Variants in LRRC15 observed in about 807,000 individuals in gnomAD.
The protein encoded by LRRC15 is leucine rich repeat containing 15.
Under a neutral mutation model 4.3 loss-of-function variants are expected in LRRC15, and 5 were observed. The observed-to-expected ratio is 1.16, with a 90% CI of 0.61 to 2.44. The LOEUF (loss-of-function observed/expected upper bound fraction) is 2.44. Among genes scored for constraint, LRRC15 ranks in the 30% most tolerant of loss-of-function variants. The pLI is 0.01. For missense variants in LRRC15, 769 were observed against 747.0 expected (o/e 1.03, Z -0.34); for synonymous variants, 337 against 323.2 (o/e 1.04, Z -0.46).
chr3:194,362,698 G>A (rs1238327780), intron 1 of LRRC15, among the ~76,000 whole-genome samples: 1 of 152,142 alleles, frequency 6.6e-6, no homozygotes, highest in Non-Finnish European at 1.5e-5. Flanking sequence ...AAAATCCTGA[G>A]TCAGAGGAAG....
rs1050780299 is a variant in LRRC15, at chr3:194,355,995, C to T, written c.*3303G>A. 2.6e-5 allele frequency: 4 copies of T among 152,136 alleles called. No homozygotes were observed. Among genetic ancestry groups the T allele is most frequent in the African/African-American group, 9.7e-5 (4 of 41,420 alleles). The allele number at this position is 152,136 out of a possible 1,614,324, so 9.4% of individuals were successfully genotyped here. On this transcript the variant is annotated 3_prime_UTR_variant, in exon 2 of 2. Coordinates refer to ENST00000347624, the MANE Select transcript of LRRC15 (RefSeq NM_130830.5). ...TGGTACCAAGTGAGGTTCTGATGAC[C>T]AAGACTAAGGAGAGCAACAGGGGAA...
At chr3:194,364,839 G>T (rs1713731387) in intron 1 of LRRC15, among the ~76,000 whole-genome samples, 1 of 152,232 alleles carries the variant, frequency 6.6e-6, no homozygotes, top group Non-Finnish European at 1.5e-5. Flanking sequence ...CACTGCTGTG[G>T]CTGGCGGCCA....
chr3:194,360,212 CAAAG>C lies in LRRC15; in HGVS notation c.828_831del (p.Phe277GlyfsTer4). On this transcript the variant is annotated frameshift_variant, in exon 2 of 2. Transcript: ENST00000347624. LOFTEE classifies it low-confidence loss of function (END_TRUNC). ...GGAGAGAGCTCCTTCAGGGAATTCC[CAAAG>C]AGAGTAAGACGGTTGAGCTGGGGCA... 6.2e-7 allele frequency: 1 copy of C among 1,613,824 alleles called. No individual in the cohort carries two copies. The highest frequency in any genetic ancestry group is 8.5e-7 in the Non-Finnish European group (1 of 1,179,762).
At position 194,360,877 on chromosome 3, in the gene LRRC15, A is replaced by G. The variant is rs1200394327; in HGVS notation, c.167T>C (p.Met56Thr). The change falls in exon 2 of 2, where the codon ATG (methionine) becomes ACG (threonine). Residue 56 changes from methionine (M) to threonine (T), a missense_variant. Physicochemically the swap from Met to Thr is moderately conservative, Grantham distance 81. Transcript: ENST00000347624. ...GTGCGTGTTGAGGATCTGCAGGCTC[A>G]TGGCGTTCCAGGGCAGAGGGGTGGG... The part of the protein sequence containing the change: ...AVPTPLPWNA[M>T]SLQILNTHIT... 6.2e-7 allele frequency: 1 copy of G among 1,608,586 alleles called. No homozygotes were observed.
chr3:194,359,191 A>G lies in LRRC15; in HGVS notation c.*107T>C. 9.3e-7 allele frequency: 1 copy of G among 1,076,800 alleles called. No individual in the cohort carries two copies. The highest frequency in any genetic ancestry group is 2.5e-5 in the Admixed American group (1 of 39,838). 66.7% of individuals were successfully genotyped at this position (1,076,800 alleles called of 1,614,324 possible). A position where few individuals can be genotyped will look rare whatever the true frequency, so the allele number is the denominator to read the frequency against. On this transcript the variant is annotated 3_prime_UTR_variant, in exon 2 of 2. Coordinates refer to ENST00000347624, the MANE Select transcript of LRRC15 (RefSeq NM_130830.5). ...AGGCTCACCTTTCTCTGGGGCCAGA[A>G]AGAGCAATCACGGGAAAGCTCCATG...
intron 1 of LRRC15, among the ~76,000 whole-genome samples, chr3:194,367,339 G>T (rs1713810663): frequency 6.6e-6 from 1 of 151,930 alleles, no homozygotes; most frequent in Non-Finnish European, 1.5e-5. Flanking sequence ...ACGGAGTCTT[G>T]CTCTGTCACC....
At chr3:194,369,069 C>T (rs960280919) in intron 1 of LRRC15, among the ~76,000 whole-genome samples, 4 of 152,240 alleles carry the variant, frequency 2.6e-5, no homozygotes, top group Non-Finnish European at 5.9e-5. Flanking sequence ...CAAATTGGAA[C>T]TGCAAACCAG....
At chr3:194,361,175 G>A in intron 1 of LRRC15, 129 bp from the exon 2 acceptor site, 2 of 717,346 alleles carry the variant, frequency 2.8e-6, no homozygotes, top group South Asian at 2.3e-5. Flanking sequence ...CTGAACACAT[G>A]CTCTCTCTGC....
Position 194,356,423 on chromosome 3 carries a change from C to T in LRRC15, c.*2875G>A, listed in dbSNP as rs1412644463. 6.6e-6 allele frequency: 1 copy of T among 152,266 alleles called. No homozygotes were observed. The highest frequency in any genetic ancestry group is 1.9e-4 in the East Asian group (1 of 5,198). The allele number at this position is 152,266 out of a possible 1,614,324, so 9.4% of individuals were successfully genotyped here. A position where few individuals can be genotyped will look rare whatever the true frequency, so the allele number is the denominator to read the frequency against. ...GGGGACCAGCCGGCTCATTCCAGCC[C>T]TGAGAATTGAGCAAATGCATCATCC... On this transcript the variant is annotated 3_prime_UTR_variant, in exon 2 of 2. Coordinates refer to ENST00000347624, the MANE Select transcript of LRRC15 (RefSeq NM_130830.5).
rs763590928 is a variant in LRRC15, at chr3:194,360,800, G to T, written c.244C>A (p.Leu82Met). The change falls in exon 2 of 2, where the codon CTG becomes ATG. Residue 82 changes from leucine to methionine, a missense_variant. Physicochemically the swap from Leu to Met is conservative, Grantham distance 15. Coordinates refer to ENST00000347624, the MANE Select transcript of LRRC15 (RefSeq NM_130830.5). ...GACAGCTCATTCTTCTCAATCCTCA[G>T]GGCGATGAGGGCTGAGATATTGAGG... is the stretch of plus-strand genomic sequence containing the variant. Reference protein sequence around the residue: ...PFLNISALIALRIEKNELSRI... With the variant: ...PFLNISALIAMRIEKNELSRI... 1 of 1,614,218 alleles carries T rather than the reference G, an allele frequency of 6.2e-7. No homozygotes were observed. The highest frequency in any genetic ancestry group is 8.5e-7 in the Non-Finnish European group (1 of 1,180,044).
intron 1 of LRRC15, among the ~76,000 whole-genome samples, chr3:194,361,528 A>G (rs1335759071): frequency 1.3e-5 from 2 of 152,168 alleles, no homozygotes; most frequent in Non-Finnish European, 2.9e-5. Context: ...ACTGTATCTT[A>G]TCCATCTCTG....
rs375241048 is a variant in LRRC15, at chr3:194,360,650, G to A, written c.394C>T (p.Leu132=). The part of the protein sequence containing the change: ...QGLDSLESLL[L]SSNQLLQIQP... Reference sequence around the variant, plus strand: ...ATCTGCAACAGCTGGTTACTGGACAGAAGGAGAGACTCGAGGCTGTCCAGG... The same window carrying A: ...ATCTGCAACAGCTGGTTACTGGACAAAAGGAGAGACTCGAGGCTGTCCAGG... The change falls in exon 2 of 2, where the codon CTG becomes TTG. Residue 132 remains leucine, a synonymous_variant. Transcript: ENST00000347624. The A allele has an allele frequency of 9.3e-6, 15 of 1,614,244 alleles. No homozygotes were observed. The highest frequency in any genetic ancestry group is 4.2e-6 in the Non-Finnish European group (5 of 1,180,050).
In LRRC15 at chr3:194,359,745, C is replaced by T. The variant is rs144761152; in HGVS notation, c.1299G>A (p.Pro433=). The T allele has an allele frequency of 1.2e-3, 1,930 of 1,614,112 alleles. 2 individuals carry two copies. Among genetic ancestry groups the T allele is most frequent in the Non-Finnish European group, 1.3e-3 (1,587 of 1,180,016 alleles). ...NPWRCDSDIL[P]LRNWLLLNQP... ...GGTTGAGCAGGAGCCAGTTGCGGAG[C>T]GGAAGGATGTCTGAGTCACACCTCC... The change falls in exon 2 of 2, where the codon CCG becomes CCA. Residue 433 remains proline, a synonymous_variant. Transcript: ENST00000347624.
Position 194,357,521 on chromosome 3 carries a change from T to C in LRRC15, c.*1777A>G, listed in dbSNP as rs1713467552. On this transcript the variant is annotated 3_prime_UTR_variant, in exon 2 of 2. Coordinates refer to ENST00000347624, the MANE Select transcript of LRRC15 (RefSeq NM_130830.5). ...GTCCAGAGAAAGACACACGTTGCCA[T>C]GAGCCTAACTTCTTGAGCGCCATGT... The C allele has an allele frequency of 6.6e-6, 1 of 152,194 alleles. No homozygotes were observed. The allele number at this position is 152,194 out of a possible 1,614,324, so 9.4% of individuals were successfully genotyped here.
intron 1 of LRRC15, among the ~76,000 whole-genome samples, chr3:194,369,356 A>G (rs1241412329): frequency 6.6e-6 from 1 of 152,210 alleles, no homozygotes; most frequent in Admixed American, 6.5e-5. Context: ...TTTCAGCCCA[A>G]CTTGCTGGTC....
Position 194,359,178 on chromosome 3 carries a change from C to T in LRRC15, c.*120G>A. ...GTCAGGAAGAGGTAGGCTCACCTTTCTCTGGGGCCAGAAAGAGCAATCACG... is the reference window on the plus strand; with the variant it reads ...GTCAGGAAGAGGTAGGCTCACCTTTTTCTGGGGCCAGAAAGAGCAATCACG... On this transcript the variant is annotated 3_prime_UTR_variant, in exon 2 of 2. Coordinates refer to ENST00000347624, the MANE Select transcript of LRRC15 (RefSeq NM_130830.5). 3.1e-6 allele frequency: 3 copies of T among 962,836 alleles called. No individual in the cohort carries two copies. The highest frequency in any genetic ancestry group is 4.6e-6 in the Non-Finnish European group (3 of 656,498). 59.6% of individuals were successfully genotyped at this position (962,836 alleles called of 1,614,324 possible).
intron 1 of LRRC15, among the ~76,000 whole-genome samples, chr3:194,367,984 C>T (rs1047841933): frequency 9.2e-5 from 14 of 152,234 alleles, no homozygotes; most frequent in African/African-American, 3.1e-4. Context: ...TGACAAACCG[C>T]CCAGCAGAAC....
At chr3:194,363,219 A>G (rs188261591) in intron 1 of LRRC15, 141 of 482,822 alleles carry the variant, frequency 2.9e-4, no homozygotes, top group African/African-American at 2.4e-3. Flanking sequence ...GATTACAGGC[A>G]TGAGCCACCG....
intron 1 of LRRC15, among the ~76,000 whole-genome samples, chr3:194,363,886 A>G (rs1228735097): frequency 6.6e-6 from 1 of 152,206 alleles, no homozygotes; most frequent in Non-Finnish European, 1.5e-5. Flanking sequence ...AAATAACCAG[A>G]GGAGGAGATG....
Sources: gnomAD v4.1 joint callset for allele counts (sites outside exome capture counted in the v4.1 genomes callset) on GRCh38, gnomAD v4.1.1 for gene constraint, MANE v1.5 for transcripts, NCBI Gene and HGNC (gene_info 2026-07-23, HGNC 2026-07-21) for gene names.